PGM2L1: variants seen among roughly 807,000 people sequenced by gnomAD.
PGM2L1 encodes the protein glucose 1,6-bisphosphate synthase.
In PGM2L1, 35 loss-of-function variants were observed where a neutral mutation model predicts 73.4. The observed-to-expected ratio is 0.48, with a 90% CI of 0.36 to 0.63. The LOEUF is 0.63. Among genes scored for constraint, PGM2L1 ranks in the 30% least tolerant of loss-of-function variants. PGM2L1 has a pLI of 0.00. For missense variants in PGM2L1, 570 were observed against 742.0 expected (o/e 0.77, Z 2.69); for synonymous variants, 225 against 253.8 (o/e 0.89, Z 1.08).
chr11:74,393,977 GA>G (rs35648968), intron 1 of PGM2L1, among the ~76,000 whole-genome samples: 139,873 of 149,046 alleles, frequency 0.94, 66,018 homozygotes, highest in Non-Finnish European at 0.98. Context: ...AGAAAGCACT[GA>G]AAAAAAAAAA....
Position 74,371,736 on chromosome 11 carries a change from C to T in PGM2L1, c.361G>A (p.Val121Ile), listed in dbSNP as rs775966101. 2 of 1,613,866 alleles carry T rather than the reference C, an allele frequency of 1.2e-6. No individual in the cohort carries two copies. The highest frequency in any genetic ancestry group is 3.3e-5 in the Admixed American group (2 of 60,016). ...CTCTGGCTGCTGCAGCTGCTAGTTACTTGACCCCGAGTGTCATACCCAACC... is the reference window on the plus strand; with the variant it reads ...CTCTGGCTGCTGCAGCTGCTAGTTATTTGACCCCGAGTGTCATACCCAACC... ...FVVGYDTRGQVTSSCSSQRLA... is the reference protein window; with the variant it reads ...FVVGYDTRGQITSSCSSQRLA... The change falls in exon 3 of 14, where the codon GTA becomes ATA. Residue 121 changes from valine to isoleucine, a missense_variant. Physicochemically the swap from Val to Ile is conservative, Grantham distance 29. Coordinates refer to ENST00000298198, the MANE Select transcript of PGM2L1 (RefSeq NM_173582.6).
intron 1 of PGM2L1, among the ~76,000 whole-genome samples, chr11:74,391,311 T>G (rs1357506415): frequency 6.6e-6 from 1 of 152,110 alleles, no homozygotes; most frequent in African/African-American, 2.4e-5. Flanking sequence ...TTCCAGCTTT[T>G]TACTATTTAT....
intron 1 of PGM2L1, among the ~76,000 whole-genome samples, chr11:74,391,096 A>T (rs192281355): frequency 4.1e-4 from 62 of 152,196 alleles, no homozygotes; most frequent in African/African-American, 1.4e-3. Flanking sequence ...TCATTTTTAG[A>T]CCATAACTTA....
At chr11:74,361,829 A>G (rs1429243439) in intron 5 of PGM2L1, among the ~76,000 whole-genome samples, 3 of 152,050 alleles carry the variant, frequency 2.0e-5, no homozygotes, top group South Asian at 2.1e-4. Flanking sequence ...GAAATGAAGC[A>G]AGAAGAGAAG....
chr11:74,366,283 G>A (rs1274246917), intron 5 of PGM2L1, among the ~76,000 whole-genome samples: 1 of 150,930 alleles, frequency 6.6e-6, no homozygotes, highest in Admixed American at 6.6e-5. Context: ...AATGGGTGCA[G>A]CACACCAACA....
chr11:74,383,430 A>G (rs753037116), intron 1 of PGM2L1, among the ~76,000 whole-genome samples: 5 of 152,224 alleles, frequency 3.3e-5, no homozygotes, highest in Non-Finnish European at 5.9e-5. Context: ...CAGAATACAA[A>G]TTAACCCCAA....
chr11:74,345,653 T>G lies in PGM2L1; in HGVS notation c.1038-4A>C, dbSNP rs368794509. 2 of 1,612,110 alleles carry G rather than the reference T, an allele frequency of 1.2e-6. No homozygotes were observed. Among genetic ancestry groups the G allele is most frequent in the South Asian group, 2.2e-5 (2 of 91,030 alleles). On this transcript the variant is annotated splice_region_variant and splice_polypyrimidine_tract_variant and intron_variant, in intron 8 of 13. Transcript: ENST00000298198. ...TGTGAAAACTTTCCAACAACCACTG[T>G]AGAGAGAAGGAAAATACAATGTCAA...
rs1326569780 is a variant in PGM2L1, at chr11:74,371,790, A to C, written c.307T>G (p.Phe103Val). 2 of 1,613,712 alleles carry C rather than the reference A, an allele frequency of 1.2e-6. No homozygotes were observed. The highest frequency in any genetic ancestry group is 1.7e-6 in the Non-Finnish European group (2 of 1,179,804). ...AAGCCTCTCTGCTTGAAGTCTGAGA[A>C]ACATCTCTCAAGGTATTTGTACATC... ...QGMYKYLERC[F>V]SDFKQRGFVV... The change falls in exon 3 of 14, where the codon TTC becomes GTC. Residue 103 changes from phenylalanine (F) to valine (V), a missense_variant. By Grantham distance (50) the Phe-to-Val change is conservative. Coordinates refer to ENST00000298198, the MANE Select transcript of PGM2L1 (RefSeq NM_173582.6).
chr11:74,363,309 C>G (rs1019147905), intron 5 of PGM2L1, among the ~76,000 whole-genome samples: 4 of 151,914 alleles, frequency 2.6e-5, no homozygotes, highest in African/African-American at 9.7e-5. Flanking sequence ...AATTGACACC[C>G]TAACATCACA....
chr11:74,389,977 G>A (rs1863073096), intron 1 of PGM2L1, among the ~76,000 whole-genome samples: 1 of 66,184 alleles, frequency 1.5e-5, no homozygotes. Flanking sequence ...AAATTAGCCA[G>A]GCGTGGTGAC....
chr11:74,362,794 C>CT, intron 5 of PGM2L1, among the ~76,000 whole-genome samples: 2 of 152,222 alleles, frequency 1.3e-5, no homozygotes, highest in Middle Eastern at 3.4e-3. Context: ...TAATGGGAGA[C>CT]TTTAACACCC....
chr11:74,398,037 G>A lies in PGM2L1; in HGVS notation c.111+14C>T. 1 of 1,595,040 alleles carries A rather than the reference G, an allele frequency of 6.3e-7. No homozygotes were observed. Among genetic ancestry groups the A allele is most frequent in the Non-Finnish European group, 8.5e-7 (1 of 1,170,014 alleles). On this transcript the variant is annotated intron_variant, in intron 1 of 13. Transcript: ENST00000298198. Reference sequence around the variant, plus strand: ...GGGAGGCGACGGCGTTTGCCGGGCTGACCAGGTACCCACCTTATCCCAGCG... The same window carrying A: ...GGGAGGCGACGGCGTTTGCCGGGCTAACCAGGTACCCACCTTATCCCAGCG...
intron 8 of PGM2L1, among the ~76,000 whole-genome samples, chr11:74,346,203 G>A (rs961137812): frequency 6.8e-6 from 1 of 146,422 alleles, no homozygotes; most frequent in Non-Finnish European, 1.5e-5. Flanking sequence ...GGCAGAGGCT[G>A]CAGTGAGCCA....
At chr11:74,391,828 TGGTATG>T (rs149849139) in intron 1 of PGM2L1, among the ~76,000 whole-genome samples, 29,707 of 151,456 alleles carry the variant, frequency 0.2, 3,141 homozygotes, top group East Asian at 0.29. Flanking sequence ...TTATATAAGC[TGGTATG>T]GGTTTTCTCT....
In PGM2L1 at chr11:74,374,538, C is replaced by G. The variant is rs1862828427; in HGVS notation, c.156G>C (p.Gly52=). The change falls in exon 2 of 14, where the codon GGG becomes GGC. Residue 52 remains glycine (G), a synonymous_variant. Transcript: ENST00000298198. ...KEQIENLLRN[G]MNKELRDRLC... Reference sequence around the variant, plus strand: ...GACGATCTCGCAGCTCCTTGTTCATCCCATTCCGTAACAGGTTTTCAATCT... The same window carrying G: ...GACGATCTCGCAGCTCCTTGTTCATGCCATTCCGTAACAGGTTTTCAATCT... 1 of 1,614,146 alleles carries G rather than the reference C, an allele frequency of 6.2e-7. No homozygotes were observed. Among genetic ancestry groups the G allele is most frequent in the Non-Finnish European group, 8.5e-7 (1 of 1,179,982 alleles).
rs757880101 is a variant in PGM2L1 at position 74,345,571 on chromosome 11, A to C, written c.1116T>G (p.Asn372Lys). 6.2e-7 allele frequency: 1 copy of C among 1,613,664 alleles called. No individual in the cohort carries two copies. The part of the protein sequence containing the change: ...GWWMFDCWKK[N>K]KSRNADVKNV... ...TCTTCACATCAGCATTTCTTGATTT[A>C]TTTTTCTTCCAGCAATCAAACATCC... Residue 372 changes from asparagine (N) to lysine (K), a missense_variant, in exon 9 of 14, where the codon AAT (asparagine) becomes AAG (lysine). Transcript: ENST00000298198.
Position 74,339,251 on chromosome 11 carries a change from A to G in PGM2L1, c.1633-650T>C, listed in dbSNP as rs1214071552. Among the ~76,000 whole-genome samples the G allele has an allele frequency of 2.0e-5, 3 of 152,342 alleles. No individual in the cohort carries two copies. The East Asian group carries it at 5.8e-4, about 29-fold the overall frequency. ...ATCGTCTCCAAAGAGGAGTGCACACATCCTGCATGTACTGGGGTGCAGAAA... is the reference window on the plus strand; with the variant it reads ...ATCGTCTCCAAAGAGGAGTGCACACGTCCTGCATGTACTGGGGTGCAGAAA... On this transcript the variant is annotated intron_variant, in intron 12 of 13. Transcript: ENST00000298198.
At chr11:74,347,358 A>G in intron 6 of PGM2L1, 21 bp from the exon 7 acceptor site, 8 of 1,540,750 alleles carry the variant, frequency 5.2e-6, no homozygotes, top group Non-Finnish European at 7.0e-6. Context: ...AAATCAACAT[A>G]AGATCATGAT....
intron 5 of PGM2L1, chr11:74,354,736 G>T: frequency 4.8e-6 from 5 of 1,049,632 alleles, no homozygotes; most frequent in Non-Finnish European, 5.9e-6. Context: ...TCAAACACCA[G>T]GTGCCCACTT....
Sources: allele counts gnomAD v4.1 joint callset (sites outside exome capture counted in the v4.1 genomes callset), GRCh38; gene constraint gnomAD v4.1.1; transcripts MANE v1.5; gene names NCBI Gene and HGNC (gene_info 2026-07-23, HGNC 2026-07-21).